LRMDA: variants seen among roughly 807,000 people sequenced by gnomAD.
LRMDA encodes leucine-rich melanocyte differentiation-associated protein.
LRMDA carries 18 observed loss-of-function variants against 29.8 expected under a neutral mutation model. That is an observed-to-expected ratio of 0.60 (90% CI 0.42 to 0.90). The LOEUF is 0.90. LRMDA is among the 40% of genes least tolerant of loss of function. The pLI is 0.00. For synonymous variants in LRMDA, 125 were observed against 109.4 expected, an observed-to-expected ratio of 1.14 and a Z score of -0.89; for missense variants, 273 against 273.9, an observed-to-expected ratio of 1.00 and a Z score of 0.02.
intron 2 of LRMDA, among the ~76,000 whole-genome samples, chr10:75,741,469 A>C (rs1430003351): frequency 6.6e-6 from 1 of 151,670 alleles, no homozygotes; most frequent in Non-Finnish European, 1.5e-5. Flanking sequence ...ATTAGGTTAC[A>C]CTCACCCAGA....
intron 2 of LRMDA, among the ~76,000 whole-genome samples, chr10:75,901,026 C>T (rs1490619482): frequency 2.6e-5 from 4 of 152,172 alleles, no homozygotes; most frequent in Admixed American, 6.5e-5. Flanking sequence ...GCTTAGGTAT[C>T]TCTCCCATCC....
At chr10:76,153,825 T>G (rs1440362703) in intron 5 of LRMDA, among the ~76,000 whole-genome samples, 1 of 152,168 alleles carries the variant, frequency 6.6e-6, no homozygotes, top group African/African-American at 2.4e-5. Context: ...CGAAACAAGA[T>G]AAAGAGAAGG....
intron 5 of LRMDA, among the ~76,000 whole-genome samples, chr10:76,083,859 A>G (rs1307397499): frequency 2.7e-5 from 4 of 149,512 alleles, no homozygotes; most frequent in African/African-American, 9.8e-5. Flanking sequence ...AAGGGGCTCT[A>G]GTGCATCTTG....
chr10:75,865,063 G>A (rs1364017443), intron 2 of LRMDA, among the ~76,000 whole-genome samples: 1 of 151,944 alleles, frequency 6.6e-6, no homozygotes, highest in African/African-American at 2.4e-5. Context: ...AAGTACTGTT[G>A]CTTGTCAGTT....
chr10:75,956,070 A>G (rs1846658396), intron 2 of LRMDA, among the ~76,000 whole-genome samples: 1 of 152,176 alleles, frequency 6.6e-6, no homozygotes, highest in Non-Finnish European at 1.5e-5. Context: ...CAGGGTCTCT[A>G]AAGAAATTGT....
At chr10:75,963,545 A>G (rs745979515) in intron 2 of LRMDA, among the ~76,000 whole-genome samples, 1 of 152,212 alleles carries the variant, frequency 6.6e-6, no homozygotes, top group African/African-American at 2.4e-5. Flanking sequence ...CATGCAGTCT[A>G]TGCAAAAGAA....
At chr10:76,151,194 C>G (rs1850435623) in intron 5 of LRMDA, among the ~76,000 whole-genome samples, 1 of 152,042 alleles carries the variant, frequency 6.6e-6, no homozygotes, top group Non-Finnish European at 1.5e-5. Flanking sequence ...CTTTTGGTGA[C>G]TTTTACACCC....
chr10:75,613,292 C>G (rs1322313129), intron 2 of LRMDA, among the ~76,000 whole-genome samples: 2 of 152,114 alleles, frequency 1.3e-5, no homozygotes, highest in Non-Finnish European at 2.9e-5. Flanking sequence ...AAAAATAACA[C>G]ATACATCAGA....
At chr10:75,654,017 C>T (rs959197673) in intron 2 of LRMDA, among the ~76,000 whole-genome samples, 1 of 152,166 alleles carries the variant, frequency 6.6e-6, no homozygotes, top group African/African-American at 2.4e-5. Flanking sequence ...TCCCCAGTGC[C>T]GGAAGTCACA....
In LRMDA at chr10:76,058,608, G is replaced by A. The variant is rs868285115; in HGVS notation, c.399-58G>A. Reference sequence around the variant, plus strand: ...ATTCTTGAAGATCAGACAAGCTGTCGGGATCTCTGAGGCTGCCACTCAAAC... The same window carrying A: ...ATTCTTGAAGATCAGACAAGCTGTCAGGATCTCTGAGGCTGCCACTCAAAC... On this transcript the variant is annotated intron_variant, in intron 4 of 6. Transcript: ENST00000611255. 24 of 1,365,984 alleles carry A rather than the reference G, an allele frequency of 1.8e-5. No individual in the cohort carries two copies. In the Middle Eastern group the frequency reaches 7.1e-4, roughly 40 times the overall value. The allele number at this position is 1,365,984 out of a possible 1,614,324, so 84.6% of individuals were successfully genotyped here.
At chr10:75,718,377 T>C (rs1296276581) in intron 2 of LRMDA, among the ~76,000 whole-genome samples, 1 of 152,168 alleles carries the variant, frequency 6.6e-6, no homozygotes, top group Non-Finnish European at 1.5e-5. Flanking sequence ...AGAGGAAATA[T>C]GTGAGGCCTC....
intron 3 of LRMDA, among the ~76,000 whole-genome samples, chr10:76,046,217 G>T (rs138494376): frequency 6.6e-6 from 1 of 152,328 alleles, no homozygotes; most frequent in African/African-American, 2.4e-5. Flanking sequence ...GGCTCAGCTT[G>T]TCTGTATGTG....
chr10:75,720,040 A>G (rs1436739606), intron 2 of LRMDA, among the ~76,000 whole-genome samples: 1 of 152,198 alleles, frequency 6.6e-6, no homozygotes, highest in Non-Finnish European at 1.5e-5. Flanking sequence ...AAATTTAACA[A>G]GAGAAACGGC....
chr10:75,489,688 A>G (rs1018124093), intron 2 of LRMDA, among the ~76,000 whole-genome samples: 1 of 152,186 alleles, frequency 6.6e-6, no homozygotes, highest in Non-Finnish European at 1.5e-5. Context: ...AAGCCTTGTT[A>G]TCACCAGGAA....
At chr10:76,231,171 A>G (rs1232785254) in intron 5 of LRMDA, among the ~76,000 whole-genome samples, 5 of 152,196 alleles carry the variant, frequency 3.3e-5, no homozygotes, top group African/African-American at 1.2e-4. Context: ...AGAAAAAGAA[A>G]AAAAAATCAA....
chr10:75,662,825 A>G (rs1841771032), intron 2 of LRMDA, among the ~76,000 whole-genome samples: 1 of 152,098 alleles, frequency 6.6e-6, no homozygotes, highest in Non-Finnish European at 1.5e-5. Context: ...CAGCCTGGAG[A>G]ATATCCTGGC....
At chr10:75,898,444 A>G (rs978560125) in intron 2 of LRMDA, among the ~76,000 whole-genome samples, 3 of 152,124 alleles carry the variant, frequency 2.0e-5, no homozygotes, top group Non-Finnish European at 4.4e-5. Context: ...AATCCTCACC[A>G]GCTCTCTGTC....
chr10:76,460,936 C>T (rs1189275720), intron 6 of LRMDA, among the ~76,000 whole-genome samples: 2 of 152,162 alleles, frequency 1.3e-5, no homozygotes, highest in Non-Finnish European at 2.9e-5. Context: ...CATCCTGGCT[C>T]TGATGTTTCT....
chr10:75,463,861 T>C, intron 2 of LRMDA, among the ~76,000 whole-genome samples: 1 of 152,146 alleles, frequency 6.6e-6, no homozygotes, highest in East Asian at 1.9e-4. Flanking sequence ...GAGATGGGGT[T>C]TCTCCAGGTT....
Sources: gnomAD v4.1 joint callset for allele counts (sites outside exome capture counted in the v4.1 genomes callset) on GRCh38, gnomAD v4.1.1 for gene constraint, MANE v1.5 for transcripts, NCBI Gene and HGNC (gene_info 2026-07-23, HGNC 2026-07-21) for gene names.